The following ZNF454 variants were observed in gnomAD, a reference collection of about 807,000 sequenced individuals.
The protein encoded by ZNF454 is zinc finger protein 454.
In ZNF454, 30 loss-of-function variants were observed where a neutral mutation model predicts 48.2. That is an observed-to-expected ratio of 0.62 (90% confidence interval 0.47 to 0.84). The LOEUF (loss-of-function observed/expected upper bound fraction) is 0.84. ZNF454 is among the 40% of genes least tolerant of loss of function. The pLI, the probability that ZNF454 is intolerant of heterozygous loss-of-function variation, is 0.00. For synonymous variants in ZNF454, 204 were observed against 211.4 expected, an observed-to-expected ratio of 0.97 and a Z score of 0.30; for missense variants, 510 against 623.1, an observed-to-expected ratio of 0.82 and a Z score of 1.93.
rs961769999 is a variant in ZNF454 at position 178,941,225 on chromosome 5, T to G, written c.-327T>G. 34 of 379,676 alleles carry G rather than the reference T, an allele frequency of 9.0e-5. No individual in the cohort carries two copies. In the East Asian group the frequency reaches 2.3e-3, roughly 26 times the overall value. 23.5% of individuals were successfully genotyped at this position (379,676 alleles called of 1,614,324 possible). ...CTCCCGGCTGCAGACTCCAGCTCAT[T>G]GTGTTCTGACTGCGATGTGGCGCTT... On this transcript the variant is annotated 5_prime_UTR_variant, in exon 1 of 5. The change creates a new upstream start codon in the 5' untranslated region. Coordinates refer to ENST00000519564, the MANE Select transcript of ZNF454 (RefSeq NM_001178089.3). This position sits in a 1 kb window ranked among gnomAD's most constrained non-coding sequence, Gnocchi z 5.5.
the ZNF454 span, among the ~76,000 whole-genome samples, chr5:178,972,575 G>A: frequency 4.6e-5 from 7 of 152,228 alleles, no homozygotes; most frequent in Admixed American, 1.3e-4. Context: ...AGAAGTGAGG[G>A]GTCCACAAGA....
At chr5:178,978,414 A>G in the ZNF454 span, 1 of 152,234 alleles carries the variant, frequency 6.6e-6, no homozygotes, top group Admixed American at 6.5e-5. Context: ...GAATGTAATA[A>G]ATTAAAGGGA....
chr5:178,961,381 C>A (rs1316170573), intron 4 of ZNF454, among the ~76,000 whole-genome samples: 1 of 151,402 alleles, frequency 6.6e-6, no homozygotes, highest in African/African-American at 2.4e-5. Context: ...TTTTATTGTG[C>A]CATTTTCACT....
At chr5:178,945,894 C>T (rs1044784419) in intron 2 of ZNF454, among the ~76,000 whole-genome samples, 1 of 151,904 alleles carries the variant, frequency 6.6e-6, no homozygotes, top group South Asian at 2.1e-4. Flanking sequence ...GAAGGTAAAC[C>T]AAACATCACA....
At position 178,941,250 on chromosome 5, in the gene ZNF454, T is replaced by C. The variant is rs958088724; in HGVS notation, c.-302T>C. On this transcript the variant is annotated 5_prime_UTR_variant, in exon 1 of 5. Coordinates refer to ENST00000519564, the MANE Select transcript of ZNF454 (RefSeq NM_001178089.3). This position sits in a 1 kb window ranked among gnomAD's most constrained non-coding sequence, Gnocchi z 5.5. Reference sequence around the variant, plus strand: ...TGTGTTCTGACTGCGATGTGGCGCTTGCGATCTCTCGCCGCCGGCAGAGGC... The same window carrying C: ...TGTGTTCTGACTGCGATGTGGCGCTCGCGATCTCTCGCCGCCGGCAGAGGC... 4 of 393,232 alleles carry C rather than the reference T, an allele frequency of 1.0e-5. No individual in the cohort carries two copies. Among genetic ancestry groups the C allele is most frequent in the African/African-American group, 8.3e-5 (4 of 48,440 alleles). 24.4% of individuals were successfully genotyped at this position (393,232 alleles called of 1,614,324 possible).
At chr5:178,953,528 C>T (rs575585760) in intron 4 of ZNF454, among the ~76,000 whole-genome samples, 12 of 152,220 alleles carry the variant, frequency 7.9e-5, no homozygotes, top group East Asian at 1.9e-4. Context: ...CCGTTCACTA[C>T]GCTGTTCACT....
At chr5:178,974,528 C>T in the ZNF454 span, among the ~76,000 whole-genome samples, 24 of 152,236 alleles carry the variant, frequency 1.6e-4, no homozygotes, top group South Asian at 3.5e-3. Flanking sequence ...CCGTGTTAGC[C>T]AGGATGGTCT....
the ZNF454 span, chr5:178,987,023 C>T: frequency 6.2e-7 from 1 of 1,603,422 alleles, no homozygotes; most frequent in South Asian, 1.1e-5. Flanking sequence ...TCCTCCAGCC[C>T]AGCAGAGCTG....
chr5:178,942,078 TG>T (rs2113161092), intron 1 of ZNF454, among the ~76,000 whole-genome samples: 1 of 152,232 alleles, frequency 6.6e-6, no homozygotes, highest in Admixed American at 6.5e-5. Flanking sequence ...GGGTACATCC[TG>T]GTGGGTTCTG....
At chr5:178,942,475 G>T in intron 1 of ZNF454, 1 of 318,704 alleles carries the variant, frequency 3.1e-6, no homozygotes, top group Non-Finnish European at 5.7e-6. Context: ...CCAGAGGGTG[G>T]GTGGAAGGCA....
rs1438746524 is a variant in ZNF454 at position 178,942,735 on chromosome 5, A to G, written c.-57A>G. The G allele has an allele frequency of 1.2e-6, 2 of 1,609,930 alleles. No individual in the cohort carries two copies. The highest frequency in any genetic ancestry group is 8.5e-7 in the Non-Finnish European group (1 of 1,176,610). On this transcript the variant is annotated 5_prime_UTR_variant, in exon 2 of 5. Coordinates refer to ENST00000519564, the MANE Select transcript of ZNF454 (RefSeq NM_001178089.3). ...AGGAGTCCTGCAGGTGTGAAGCTCC[A>G]CACCTGCCTCCATAGCACTTTGCCT...
chr5:178,986,684 G>T, the ZNF454 span: 2 of 1,603,784 alleles, frequency 1.2e-6, no homozygotes. Flanking sequence ...CGCTCCCCCG[G>T]CCCGCAGGGC....
the ZNF454 span, among the ~76,000 whole-genome samples, chr5:178,975,170 A>T: frequency 6.6e-6 from 1 of 152,076 alleles, no homozygotes; most frequent in African/African-American, 2.4e-5. Flanking sequence ...TAGCCGGGCT[A>T]CTCAGGAGAC....
chr5:178,986,143 A>G, the ZNF454 span: 16 of 1,613,390 alleles, frequency 9.9e-6, no homozygotes, highest in Non-Finnish European at 8.5e-7. Flanking sequence ...CAGGGAGGTG[A>G]GGCTGAAGGT....
chr5:178,982,724 G>A, the ZNF454 span: 17,455 of 554,748 alleles, frequency 0.031, 455 homozygotes, highest in South Asian at 0.073. Context: ...AAGAGTGGAA[G>A]TTAAGAAGAG....
At chr5:178,966,902 C>T (rs1038487512), downstream of ZNF454, among the ~76,000 whole-genome samples, 13 of 152,216 alleles carry the variant, frequency 8.5e-5, no homozygotes, top group Non-Finnish European at 1.9e-4. Context: ...CCAAATGACC[C>T]TCTTCTGACT....
Position 178,966,083 on chromosome 5 carries a change from T to C in ZNF454, c.*110T>C. On this transcript the variant is annotated 3_prime_UTR_variant, in exon 5 of 5. Coordinates refer to ENST00000519564, the MANE Select transcript of ZNF454 (RefSeq NM_001178089.3). ...TGAAAGCTTGCATCAAGATAGTCACTTTATTTACTGAGGGTCAGGTTTCAC... is the reference window on the plus strand; with the variant it reads ...TGAAAGCTTGCATCAAGATAGTCACCTTATTTACTGAGGGTCAGGTTTCAC... The C allele has an allele frequency of 9.9e-6, 10 of 1,009,026 alleles. No individual in the cohort carries two copies. Among genetic ancestry groups the C allele is most frequent in the Non-Finnish European group, 1.3e-5 (9 of 692,484 alleles). The allele number at this position is 1,009,026 out of a possible 1,614,324, so 62.5% of individuals were successfully genotyped here. A position where few individuals can be genotyped will look rare whatever the true frequency, so the allele number is the denominator to read the frequency against.
In ZNF454 at chr5:178,965,090, C is replaced by T. The variant is rs1561708622; in HGVS notation, c.686C>T (p.Thr229Met). 12 of 1,614,164 alleles carry T rather than the reference C, an allele frequency of 7.4e-6. No homozygotes were observed. The highest frequency in any genetic ancestry group is 4.4e-5 in the South Asian group (4 of 91,078). The change falls in exon 5 of 5, where the codon ACG becomes ATG. Residue 229 changes from threonine to methionine, a missense_variant. This residue lies in a region of ZNF454 where 354 missense variants were observed against 408.9 expected (regional missense o/e 0.87). Transcript: ENST00000519564. The surrounding 1 kb of genome is among the most constrained non-coding windows in gnomAD (Gnocchi z 5.2). Reference sequence around the variant, plus strand: ...TGTGGGAAAGCCTTTCACCAGAGTACGCACCTTATCCATCACCAAAGAATT... The same window carrying T: ...TGTGGGAAAGCCTTTCACCAGAGTATGCACCTTATCCATCACCAAAGAATT... ...RECGKAFHQS[T>M]HLIHHQRIHT...
the ZNF454 span, among the ~76,000 whole-genome samples, chr5:178,973,134 C>CCT: frequency 6.7e-6 from 1 of 148,922 alleles, no homozygotes; most frequent in African/African-American, 2.5e-5. Flanking sequence ...TGTCTCTGTC[C>CCT]CTCTCTCTCT....
Sources: allele counts gnomAD v4.1 joint callset (sites outside exome capture counted in the v4.1 genomes callset), GRCh38; gene constraint gnomAD v4.1.1; regional missense constraint gnomAD v4.1.1; non-coding constraint Gnocchi (gnomAD v3.1); transcripts MANE v1.5; gene names NCBI Gene and HGNC (gene_info 2026-07-23, HGNC 2026-07-21).